Variants in MSH3 observed in about 807,000 individuals in gnomAD.
MSH3 encodes the protein mutS homolog 3.
A neutral mutation model predicts 123.3 loss-of-function variants in MSH3; 106 were observed. That is an observed-to-expected ratio of 0.86 (90% CI 0.73 to 1.01). MSH3 has a LOEUF of 1.01. Among genes scored for constraint, MSH3 ranks in the 50% least tolerant of loss-of-function variants. The probability of loss-of-function intolerance (pLI) is 0.00; values close to 1 mark genes in which losing one functional copy is unlikely to be tolerated. For synonymous variants in MSH3, 515 were observed against 481.4 expected, an observed-to-expected ratio of 1.07 and a Z score of -0.91; for missense variants, 1,459 against 1,347.6, an observed-to-expected ratio of 1.08 and a Z score of -1.29.
chr5:80,868,335 A>G (rs1204793423), intron 22 of MSH3, among the ~76,000 whole-genome samples: 1 of 152,030 alleles, frequency 6.6e-6, no homozygotes, highest in Admixed American at 6.6e-5. Context: ...TCATTGCAGC[A>G]CTATTCACAG....
chr5:80,825,967 C>A (rs1580073473), intron 20 of MSH3, among the ~76,000 whole-genome samples: 1 of 152,172 alleles, frequency 6.6e-6, no homozygotes, highest in South Asian at 2.1e-4. Context: ...GTGGCTGCTT[C>A]CTCTTTAATT....
chr5:80,857,426 T>C (rs2112110348), intron 21 of MSH3, among the ~76,000 whole-genome samples: 1 of 152,344 alleles, frequency 6.6e-6, no homozygotes, highest in Admixed American at 6.5e-5. Flanking sequence ...AAGTATTTAC[T>C]CCACTCCTGT....
At chr5:80,778,611 A>T in intron 16 of MSH3, 109 bp from the exon 17 acceptor site, 1 of 756,456 alleles carries the variant, frequency 1.3e-6, no homozygotes, top group Non-Finnish European at 2.4e-6. Flanking sequence ...ACAGCTGTTT[A>T]CTTTCAAGGT....
intron 20 of MSH3, among the ~76,000 whole-genome samples, chr5:80,846,509 A>G (rs187426519): frequency 1.4e-4 from 22 of 151,982 alleles, no homozygotes; most frequent in African/African-American, 5.3e-4. Flanking sequence ...CCCTGCCCCC[A>G]GAGGTGGAAT....
At chr5:80,784,389 G>A (rs1452876227) in intron 17 of MSH3, among the ~76,000 whole-genome samples, 3 of 151,908 alleles carry the variant, frequency 2.0e-5, no homozygotes, top group Admixed American at 6.6e-5. Context: ...TTCAAAACTA[G>A]AGAGCATTTT....
At chr5:80,655,363 G>T in intron 1 of MSH3, 1 of 235,846 alleles carries the variant, frequency 4.2e-6, no homozygotes, top group Non-Finnish European at 8.3e-6. Context: ...GAAGAAAGCT[G>T]CCCTTAGGTC....
intron 20 of MSH3, among the ~76,000 whole-genome samples, chr5:80,835,223 G>A (rs1240727381): frequency 6.6e-6 from 1 of 152,184 alleles, no homozygotes; most frequent in African/African-American, 2.4e-5. Flanking sequence ...ATTGGCTTTT[G>A]TTGTTTACAG....
At chr5:80,661,644 T>C (rs909742081) in intron 2 of MSH3, among the ~76,000 whole-genome samples, 1 of 152,238 alleles carries the variant, frequency 6.6e-6, no homozygotes, top group Non-Finnish European at 1.5e-5. Context: ...TTTCTTGTTC[T>C]TATATGCTAA....
At chr5:80,753,828 T>C (rs1263212678) in intron 12 of MSH3, among the ~76,000 whole-genome samples, 1 of 152,198 alleles carries the variant, frequency 6.6e-6, no homozygotes, top group Non-Finnish European at 1.5e-5. Context: ...GAACTGATAT[T>C]CAGCAGTGGA....
At chr5:80,734,749 G>A (rs1159709974) in intron 10 of MSH3, among the ~76,000 whole-genome samples, 3 of 152,272 alleles carry the variant, frequency 2.0e-5, no homozygotes, top group Admixed American at 6.5e-5. Flanking sequence ...GAGTTGAGGT[G>A]ACCCTTCAGC....
At chr5:80,666,263 C>T (rs1221995103) in intron 3 of MSH3, among the ~76,000 whole-genome samples, 1 of 152,066 alleles carries the variant, frequency 6.6e-6, no homozygotes, top group Non-Finnish European at 1.5e-5. Flanking sequence ...AGAAATGGTT[C>T]TATATATGTA....
intron 19 of MSH3, among the ~76,000 whole-genome samples, chr5:80,807,935 G>C (rs965166425): frequency 6.6e-6 from 1 of 152,168 alleles, no homozygotes; most frequent in Admixed American, 6.5e-5. Context: ...ACAGTGGCCA[G>C]GCTGGGAATT....
Position 80,873,213 on chromosome 5 carries a change from A to G in MSH3, c.3228A>G (p.Ala1076=), listed in dbSNP as rs1213058294. Residue 1076 remains alanine (A), a synonymous_variant, in exon 23 of 24, where the codon GCA becomes GCG. Transcript: ENST00000265081. The part of the protein sequence containing the change: ...RSYGLNVAKL[A]DVPGEILKKA... ...ATGGATTAAATGTGGCTAAACTAGC[A>G]GATGTTCCTGGAGAAATTTTGAAGA... 6.2e-7 allele frequency: 1 copy of G among 1,614,046 alleles called. No individual in the cohort carries two copies. Among genetic ancestry groups the G allele is most frequent in the East Asian group, 2.2e-5 (1 of 44,832 alleles).
chr5:80,701,875 T>G (rs1370084134), intron 8 of MSH3, among the ~76,000 whole-genome samples: 1 of 152,108 alleles, frequency 6.6e-6, no homozygotes, highest in African/African-American at 2.4e-5. Flanking sequence ...CCTGCCAGCT[T>G]TTTTGTGAAT....
chr5:80,730,265 G>A (rs1743387199), intron 10 of MSH3, among the ~76,000 whole-genome samples: 1 of 152,164 alleles, frequency 6.6e-6, no homozygotes, highest in Non-Finnish European at 1.5e-5. Flanking sequence ...AAATAAAGTT[G>A]CTGAAGGCCA....
At chr5:80,692,193 T>A (rs1750290811) in intron 8 of MSH3, among the ~76,000 whole-genome samples, 1 of 137,456 alleles carries the variant, frequency 7.3e-6, no homozygotes, top group African/African-American at 2.7e-5. Context: ...TAAACATGTA[T>A]ATGTTTAGAT....
chr5:80,853,599 T>C (rs747454866), intron 20 of MSH3, among the ~76,000 whole-genome samples: 1 of 152,234 alleles, frequency 6.6e-6, no homozygotes, highest in Non-Finnish European at 1.5e-5. Flanking sequence ...AAATCTACTT[T>C]AGGAACCTGT....
At chr5:80,740,695 TG>T (rs1389525232) in intron 10 of MSH3, among the ~76,000 whole-genome samples, 9 of 150,776 alleles carry the variant, frequency 6.0e-5, no homozygotes, top group African/African-American at 2.0e-4. Flanking sequence ...AAATAACACT[TG>T]TTGCATATGT....
intron 17 of MSH3, among the ~76,000 whole-genome samples, chr5:80,783,599 G>A (rs1316959197): frequency 6.6e-6 from 1 of 152,150 alleles, no homozygotes; most frequent in African/African-American, 2.4e-5. Flanking sequence ...ACTAAGAGCT[G>A]TGTTAACTCA....
Sources: gnomAD v4.1 joint callset for allele counts (sites outside exome capture counted in the v4.1 genomes callset) on GRCh38, gnomAD v4.1.1 for gene constraint, MANE v1.5 for transcripts, NCBI Gene and HGNC (gene_info 2026-07-23, HGNC 2026-07-21) for gene names.